DPH5: variants seen among roughly 807,000 people sequenced by gnomAD.
The protein encoded by DPH5 is diphthine methyl ester synthase.
In DPH5, 31 loss-of-function variants were observed where a neutral mutation model predicts 31.6. The ratio of observed to expected loss-of-function variants is 0.98; its 90% CI spans 0.74 to 1.32. The LOEUF (loss-of-function observed/expected upper bound fraction) is 1.32, where lower values mean the gene tolerates loss of function less well. Ranked by LOEUF, DPH5 falls within the 40% of genes most tolerant of loss-of-function variation. DPH5 has a pLI of 0.00. For missense variants in DPH5, 309 were observed against 335.7 expected, an observed-to-expected ratio of 0.92 and a Z score of 0.62; for synonymous variants, 120 against 115.0, an observed-to-expected ratio of 1.04 and a Z score of -0.28.
At chr1:101,014,658 G>A (rs1450793082) in intron 3 of DPH5, among the ~76,000 whole-genome samples, 3 of 152,074 alleles carry the variant, frequency 2.0e-5, no homozygotes, top group East Asian at 1.9e-4. Flanking sequence ...TGCATTGATT[G>A]ACTTTTCCTT....
chr1:100,990,605 C>A lies in DPH5; in HGVS notation c.661G>T (p.Gly221Cys), dbSNP rs1203746327. The A allele has an allele frequency of 5.6e-6, 9 of 1,613,828 alleles. No homozygotes were observed. The highest frequency in any genetic ancestry group is 7.6e-6 in the Non-Finnish European group (9 of 1,179,970). ...PAVTEETLCVGLARVGADDQK... is the reference protein window; with the variant it reads ...PAVTEETLCVCLARVGADDQK... ...TCGTCGGCTCCAACCCTGGCTAAGC[C>A]AACACAAAGTGTCTCCTCGGTAACT... The change falls in exon 8 of 8, where the codon GGC becomes TGC. Residue 221 changes from glycine (G) to cysteine (C), a missense_variant. Coordinates refer to ENST00000370109, the MANE Select transcript of DPH5 (RefSeq NM_015958.3).
chr1:101,019,253 C>A (rs1660291842), intron 3 of DPH5, among the ~76,000 whole-genome samples: 1 of 152,024 alleles, frequency 6.6e-6, no homozygotes, highest in Admixed American at 6.6e-5. Flanking sequence ...TGATCTATTT[C>A]CATATTCCTT....
chr1:101,010,880 G>C (rs58020365), intron 4 of DPH5, among the ~76,000 whole-genome samples: 18,516 of 152,118 alleles, frequency 0.12, 1,212 homozygotes, highest in Middle Eastern at 0.2. Context: ...GTCTAGGTTG[G>C]TAATTCTCAA....
chr1:101,020,444 A>C lies in DPH5; in HGVS notation c.260+1197T>G, dbSNP rs370482251. Among the ~76,000 whole-genome samples, 10 of 152,118 alleles carry C rather than the reference A, an allele frequency of 6.6e-5. No individual in the cohort carries two copies. In the South Asian group the frequency reaches 2.1e-3, roughly 32 times the overall value. ...TTTTTCTCCCTCCTCCTCTGGCTCC[A>C]GGTACACGATGAAATTCCAAGGTTT... On this transcript the variant is annotated intron_variant, in intron 3 of 7. Coordinates refer to ENST00000370109, the MANE Select transcript of DPH5 (RefSeq NM_015958.3).
Position 101,004,769 on chromosome 1 carries a change from G to A in DPH5, c.370-3182C>T, listed in dbSNP as rs374875939. Among the ~76,000 whole-genome samples, 18 of 152,268 alleles carry A rather than the reference G, an allele frequency of 1.2e-4. No individual in the cohort carries two copies. In the Middle Eastern group the frequency reaches 0.014, roughly 115 times the overall value. On this transcript the variant is annotated intron_variant, in intron 4 of 7. Coordinates refer to ENST00000370109, the MANE Select transcript of DPH5 (RefSeq NM_015958.3). ...AAGGCATCTTCTGAAAATACAAGGC[G>A]TAAGCTAGACCTTGAAAGACAGTTA... is the stretch of plus-strand genomic sequence containing the variant.
At position 100,992,570 on chromosome 1, in the gene DPH5, A is replaced by G. The variant is rs1484511536; in HGVS notation, c.634+67T>C. On this transcript the variant is annotated intron_variant, in intron 7 of 7. Coordinates refer to ENST00000370109, the MANE Select transcript of DPH5 (RefSeq NM_015958.3). ...GCTTCCATAGTGGTATGAGATATTA[A>G]GTCATATACACATCTAAATGTAGTA... 4 of 1,098,364 alleles carry G rather than the reference A, an allele frequency of 3.6e-6. No homozygotes were observed. In the Admixed American group the frequency reaches 7.3e-5, roughly 20 times the overall value. The allele number at this position is 1,098,364 out of a possible 1,614,324, so 68.0% of individuals were successfully genotyped here.
chr1:101,020,552 A>G (rs984426447), intron 3 of DPH5, among the ~76,000 whole-genome samples: 5 of 150,652 alleles, frequency 3.3e-5, no homozygotes, highest in African/African-American at 9.8e-5. Context: ...AACACCATAA[A>G]CATACTGATG....
At chr1:101,021,879 C>T (rs984644507) in intron 2 of DPH5, 114 bp from the exon 3 acceptor site, 6 of 1,098,382 alleles carry the variant, frequency 5.5e-6, no homozygotes, top group Non-Finnish European at 7.6e-6. Context: ...GGGACTGGTG[C>T]ATATGTTGGC....
intron 5 of DPH5, among the ~76,000 whole-genome samples, chr1:100,998,211 T>A (rs1032872126): frequency 1.3e-5 from 2 of 152,088 alleles, no homozygotes; most frequent in Non-Finnish European, 1.5e-5. Context: ...ATTAATTAGA[T>A]GCCAAGAATA....
At chr1:101,013,890 G>T in intron 3 of DPH5, 72 bp from the exon 4 acceptor site, 1 of 1,196,518 alleles carries the variant, frequency 8.4e-7, no homozygotes, top group Non-Finnish European at 1.2e-6. Flanking sequence ...TATTTCCTGA[G>T]TTCATGTCAA....
chr1:101,011,396 T>C (rs1659628635), intron 4 of DPH5, among the ~76,000 whole-genome samples: 1 of 152,186 alleles, frequency 6.6e-6, no homozygotes, highest in African/African-American at 2.4e-5. Flanking sequence ...CCAGATTAGA[T>C]AATAAAACTA....
At chr1:100,999,368 T>C (rs1348596971) in intron 5 of DPH5, among the ~76,000 whole-genome samples, 3 of 152,284 alleles carry the variant, frequency 2.0e-5, no homozygotes, top group African/African-American at 7.2e-5. Flanking sequence ...GAGGATCACT[T>C]GGGCATGGGA....
Position 100,990,507 on chromosome 1 carries a change from G to A in DPH5, c.759C>T (p.Ile253=). 8 of 1,614,142 alleles carry A rather than the reference G, an allele frequency of 5.0e-6. No homozygotes were observed. The highest frequency in any genetic ancestry group is 6.8e-6 in the Non-Finnish European group (8 of 1,180,010). The change falls in exon 8 of 8, where the codon ATC becomes ATT. Residue 253 remains isoleucine (I), a synonymous_variant. Coordinates refer to ENST00000370109, the MANE Select transcript of DPH5 (RefSeq NM_015958.3). ...TTGGATGTATGCTGCCTCCTGTGAT[G>A]ATCAAGGAATGCAATGGTTCTCCCA... ...VDLGEPLHSL[I]ITGGSIHPME... is the part of the protein sequence containing the mutation.
At chr1:101,025,140 T>C (rs974253617) in intron 2 of DPH5, 169 bp downstream of exon 2, 1 of 776,532 alleles carries the variant, frequency 1.3e-6, no homozygotes, top group African/African-American at 1.8e-5. Flanking sequence ...CCAAGTCACT[T>C]GGTTGGTGTA....
chr1:101,013,911 AG>A, intron 3 of DPH5, 93 bp from the exon 4 acceptor site: 9 of 928,994 alleles, frequency 9.7e-6, no homozygotes, highest in Non-Finnish European at 1.4e-5. Context: ...TTAAAGAGGC[AG>A]GAGCACTGCC....
In DPH5 at chr1:100,992,627, T is replaced by C; in HGVS notation, c.634+10A>G. ...GAATAATATGAGAGCCCTTCTAGTGTCTTGAGTACCTGGTTCTTCTCCTCG... is the reference window on the plus strand; with the variant it reads ...GAATAATATGAGAGCCCTTCTAGTGCCTTGAGTACCTGGTTCTTCTCCTCG... On this transcript the variant is annotated intron_variant, in intron 7 of 7. Transcript: ENST00000370109. 1 of 1,605,826 alleles carries C rather than the reference T, an allele frequency of 6.2e-7. No homozygotes were observed. The highest frequency in any genetic ancestry group is 8.5e-7 in the Non-Finnish European group (1 of 1,172,590).
chr1:101,011,962 G>A (rs1029408964), intron 4 of DPH5, among the ~76,000 whole-genome samples: 12 of 144,490 alleles, frequency 8.3e-5, no homozygotes, highest in East Asian at 6.1e-4. Flanking sequence ...GTGCAATGGC[G>A]CGATCTCAGC....
chr1:101,012,877 C>A (rs1295173607), intron 4 of DPH5, among the ~76,000 whole-genome samples: 1 of 152,172 alleles, frequency 6.6e-6, no homozygotes, highest in Non-Finnish European at 1.5e-5. Flanking sequence ...TCCTCTAAAG[C>A]TACAGACATA....
intron 2 of DPH5, among the ~76,000 whole-genome samples, chr1:101,022,751 C>T (rs149128008): frequency 1.1e-4 from 16 of 152,244 alleles, no homozygotes; most frequent in African/African-American, 2.9e-4. Flanking sequence ...CAAATGAGTA[C>T]ATGAACAAAT....
Sources: gnomAD v4.1 joint callset for allele counts (sites outside exome capture counted in the v4.1 genomes callset) on GRCh38, gnomAD v4.1.1 for gene constraint, MANE v1.5 for transcripts, NCBI Gene and HGNC (gene_info 2026-07-23, HGNC 2026-07-21) for gene names.